Variants in ARID1B observed in about 807,000 individuals in gnomAD.
The protein encoded by ARID1B is AT-rich interactive domain-containing protein 1B.
A neutral mutation model predicts 212.3 loss-of-function variants in ARID1B; 30 were observed. The ratio of observed to expected loss-of-function variants is 0.14; its 90% CI spans 0.11 to 0.19. The LOEUF (loss-of-function observed/expected upper bound fraction) is 0.19, where lower values mean the gene tolerates loss of function less well. ARID1B is among the 10% of genes least tolerant of loss of function. The pLI is 1.00. For synonymous variants in ARID1B, 1,402 were observed against 1,301.7 expected, an observed-to-expected ratio of 1.08 and a Z score of -1.66; for missense variants, 2,891 against 3,204.0, an observed-to-expected ratio of 0.90 and a Z score of 2.36.
At chr6:157,120,777 G>T (rs926078642) in intron 6 of ARID1B, among the ~76,000 whole-genome samples, 5 of 152,292 alleles carry the variant, frequency 3.3e-5, no homozygotes, top group African/African-American at 1.2e-4. Context: ...TGTGCCAAAT[G>T]AAAAACGTGC....
At chr6:157,198,946 G>A (rs1389869110) in intron 17 of ARID1B, 39 bp downstream of exon 17, 18 of 1,508,716 alleles carry the variant, frequency 1.2e-5, no homozygotes, top group Non-Finnish European at 1.6e-5. Context: ...GTGTTTTCTG[G>A]TTCTGTCCTG....
intron 1 of ARID1B, among the ~76,000 whole-genome samples, chr6:156,805,619 A>C (rs1562398467): frequency 6.6e-6 from 1 of 152,030 alleles, no homozygotes; most frequent in Non-Finnish European, 1.5e-5. Flanking sequence ...CTTTGCTTTT[A>C]TTTTCTTTCC....
intron 2 of ARID1B, among the ~76,000 whole-genome samples, chr6:156,847,329 G>C (rs991887541): frequency 2.6e-5 from 4 of 152,212 alleles, no homozygotes; most frequent in African/African-American, 9.7e-5. Flanking sequence ...GGTCTGAGGA[G>C]GCCATGTAAG....
Position 157,004,913 on chromosome 6 carries a change from T to G in ARID1B, c.2247+69337T>G, listed in dbSNP as rs984986672. On this transcript the variant is annotated intron_variant, in intron 4 of 19. Coordinates refer to ENST00000636930, the MANE Select transcript of ARID1B (RefSeq NM_001374828.1). ...TTCTTTTTTCTTTTTTTTTTTTTTT[T>G]TTTTTTTTTTTTTTTTTTGAGATGA... is the stretch of plus-strand genomic sequence containing the variant. Among the ~76,000 whole-genome samples the G allele has an allele frequency of 1.2e-3, 139 of 117,956 alleles. 1 individual carries two copies. The highest frequency in any genetic ancestry group is 5.0e-3 in the African/African-American group (133 of 26,536). The allele number at this position is 117,956 out of a possible 152,430, so 77.4% of individuals were successfully genotyped here. A position where few individuals can be genotyped will look rare whatever the true frequency, so the allele number is the denominator to read the frequency against.
chr6:157,108,486 A>T (rs555818588), intron 5 of ARID1B, among the ~76,000 whole-genome samples: 1 of 152,186 alleles, frequency 6.6e-6, no homozygotes, highest in African/African-American at 2.4e-5. Flanking sequence ...GTCTTGCTGC[A>T]GCTGATTCCC....
At chr6:156,952,384 C>T (rs146616071) in intron 4 of ARID1B, among the ~76,000 whole-genome samples, 5 of 152,292 alleles carry the variant, frequency 3.3e-5, no homozygotes, top group African/African-American at 4.8e-5. Flanking sequence ...ACTTTGAATA[C>T]GTTATAAAAT....
rs1299353702 is a variant in ARID1B, at chr6:156,897,261, C to CTTATTATTATTATTATTATTA, written c.1987-4113_1987-4112insATTATTATTATTATTATTATT. ...TCTTCTTCTTCTTCTTCTTCTTCTT[C>CTTATTATTATTATTATTATTA]TTCTTATTATTATTATTATTATTAT... On this transcript the variant is annotated intron_variant, in intron 2 of 19. Coordinates refer to ENST00000636930, the MANE Select transcript of ARID1B (RefSeq NM_001374828.1). Among the ~76,000 whole-genome samples the CTTATTATTATTATTATTATTA allele has an allele frequency of 4.2e-3, 392 of 92,524 alleles. 1 individual carries two copies. Among genetic ancestry groups the CTTATTATTATTATTATTATTA allele is most frequent in the Middle Eastern group, 0.011 (2 of 190 alleles). The allele number at this position is 92,524 out of a possible 152,430, so 60.7% of individuals were successfully genotyped here.
At chr6:157,167,942 C>G (rs1375252575) in intron 9 of ARID1B, 2 of 152,238 alleles carry the variant, frequency 1.3e-5, no homozygotes, top group Non-Finnish European at 2.9e-5. Context: ...TTCCAGCGAC[C>G]TGTTACTCTC....
intron 4 of ARID1B, among the ~76,000 whole-genome samples, chr6:157,031,919 C>T (rs924649989): frequency 1.3e-5 from 2 of 152,068 alleles, no homozygotes; most frequent in African/African-American, 4.8e-5. Flanking sequence ...GCCTCAGCCT[C>T]CCAAGTAGCT....
chr6:156,834,527 G>A (rs1783370142), intron 2 of ARID1B, among the ~76,000 whole-genome samples: 1 of 152,106 alleles, frequency 6.6e-6, no homozygotes, highest in Non-Finnish European at 1.5e-5. Flanking sequence ...ACGTGTATAT[G>A]TATATTAATT....
At chr6:156,897,252 C>CTTCTTCTTCTTCTTT (rs1788529041) in intron 2 of ARID1B, among the ~76,000 whole-genome samples, 2 of 96,832 alleles carry the variant, frequency 2.1e-5, no homozygotes, top group South Asian at 3.5e-4. Context: ...TCTTCTTCTT[C>CTTCTTCTTCTTCTTT]TTCTTCTTCT....
intron 1 of ARID1B, among the ~76,000 whole-genome samples, chr6:156,822,939 C>T (rs1782461176): frequency 6.6e-6 from 1 of 152,152 alleles, no homozygotes; most frequent in Non-Finnish European, 1.5e-5. Context: ...TTGTAATATG[C>T]TCAGGGAAAA....
intron 1 of ARID1B, among the ~76,000 whole-genome samples, chr6:156,809,125 A>C (rs1008192797): frequency 6.6e-6 from 1 of 152,142 alleles, no homozygotes; most frequent in Non-Finnish European, 1.5e-5. Context: ...ACTTTACGTT[A>C]CTTACTCTGT....
At chr6:157,198,484 A>T (rs1443561826) in intron 16 of ARID1B, 1 of 293,360 alleles carries the variant, frequency 3.4e-6, no homozygotes, top group Non-Finnish European at 6.5e-6. Context: ...ACGTCAGTGG[A>T]CAGGCGGGGC....
chr6:156,913,559 T>A (rs1655560102), intron 3 of ARID1B, among the ~76,000 whole-genome samples: 1 of 152,184 alleles, frequency 6.6e-6, no homozygotes. Flanking sequence ...ACAGTCACCA[T>A]GTTGTACAAC....
chr6:156,931,851 A>G (rs952035994), intron 3 of ARID1B, among the ~76,000 whole-genome samples: 11 of 150,906 alleles, frequency 7.3e-5, no homozygotes, highest in Non-Finnish European at 1.5e-4. Flanking sequence ...AATCCCAGCT[A>G]CTCGGGAGGC....
chr6:157,016,216 C>A (rs1258838188), intron 4 of ARID1B, among the ~76,000 whole-genome samples: 2 of 152,274 alleles, frequency 1.3e-5, no homozygotes, highest in South Asian at 2.1e-4. Context: ...ATCACTGATA[C>A]ATTTATATGC....
Position 157,207,255 on chromosome 6 carries a change from T to A in ARID1B, c.6483T>A (p.Ser2161=), listed in dbSNP as rs758522825. ...ACATTTCCGGGCAGCTAGACTTGTC[T>A]GCTTACACGGAAAGCATCTGCTTGC... ...LANISGQLDL[S]AYTESICLPI... Residue 2161 remains serine, a synonymous_variant, in exon 20 of 20, where the codon TCT becomes TCA. Coordinates refer to ENST00000636930, the MANE Select transcript of ARID1B (RefSeq NM_001374828.1). The surrounding 1 kb of genome is among the most constrained non-coding windows in gnomAD (Gnocchi z 8.5). 4 of 1,614,088 alleles carry A rather than the reference T, an allele frequency of 2.5e-6. No homozygotes were observed. Among genetic ancestry groups the A allele is most frequent in the Non-Finnish European group, 3.4e-6 (4 of 1,180,026 alleles).
chr6:157,174,714 G>A (rs1015879959), intron 10 of ARID1B, 133 bp from the exon 11 acceptor site: 1 of 274,840 alleles, frequency 3.6e-6, no homozygotes, highest in Non-Finnish European at 6.3e-6. Flanking sequence ...GTTTGTACAT[G>A]TCTTTATATA....
Sources: gnomAD v4.1 joint callset for allele counts (sites outside exome capture counted in the v4.1 genomes callset) on GRCh38, gnomAD v4.1.1 for gene constraint, Gnocchi (gnomAD v3.1) non-coding constraint, MANE v1.5 for transcripts, NCBI Gene and HGNC (gene_info 2026-07-23, HGNC 2026-07-21) for gene names.